MAN2A1: variants seen among roughly 807,000 people sequenced by gnomAD.
MAN2A1 encodes the protein alpha-mannosidase 2.
MAN2A1 carries 76 observed loss-of-function variants against 142.6 expected under a neutral mutation model. The observed-to-expected ratio is 0.53, with a 90% CI of 0.44 to 0.65. MAN2A1 has a LOEUF of 0.65. MAN2A1 is among the 30% of genes least tolerant of loss of function. The pLI is 0.00. For synonymous variants in MAN2A1, 559 were observed against 473.2 expected (o/e 1.18, Z -2.35); for missense variants, 1,311 against 1,365.1 (o/e 0.96, Z 0.62).
intron 12 of MAN2A1, among the ~76,000 whole-genome samples, chr5:109,789,738 A>G (rs190069495): frequency 7.2e-4 from 110 of 151,968 alleles, no homozygotes; most frequent in African/African-American, 2.5e-3. Flanking sequence ...ATAAATTATT[A>G]TAACAATATT....
intron 4 of MAN2A1, among the ~76,000 whole-genome samples, chr5:109,741,866 T>A (rs1254901909): frequency 6.6e-6 from 1 of 152,242 alleles, no homozygotes; most frequent in East Asian, 1.9e-4. Flanking sequence ...TCATAGTACC[T>A]ACTGGTAATA....
intron 3 of MAN2A1, among the ~76,000 whole-genome samples, chr5:109,723,148 T>C (rs2112574977): frequency 6.6e-6 from 1 of 152,312 alleles, no homozygotes; most frequent in South Asian, 2.1e-4. Context: ...ACGCCTGCTG[T>C]CCTAACAATA....
chr5:109,820,166 C>A, intron 14 of MAN2A1, 54 bp from the exon 15 acceptor site: 1 of 1,456,972 alleles, frequency 6.9e-7, no homozygotes, highest in Non-Finnish European at 9.4e-7. Context: ...CCAGATGCAA[C>A]ATGCTTAACA....
At chr5:109,843,162 A>G (rs1755256377) in intron 17 of MAN2A1, among the ~76,000 whole-genome samples, 1 of 152,156 alleles carries the variant, frequency 6.6e-6, no homozygotes, top group Admixed American at 6.5e-5. Context: ...AGACTGGGTA[A>G]TTTATAAAGG....
chr5:109,717,592 T>C (rs530936132), intron 3 of MAN2A1, among the ~76,000 whole-genome samples: 1 of 152,312 alleles, frequency 6.6e-6, no homozygotes, highest in Admixed American at 6.5e-5. Flanking sequence ...CTCATATATA[T>C]TTTAGATTGT....
chr5:109,703,570 A>G (rs1428022553), intron 1 of MAN2A1, among the ~76,000 whole-genome samples: 2 of 152,224 alleles, frequency 1.3e-5, no homozygotes, highest in Non-Finnish European at 2.9e-5. Flanking sequence ...TAAATTAAAA[A>G]TAAGTTTTAG....
At chr5:109,791,572 A>G (rs990579392) in intron 12 of MAN2A1, among the ~76,000 whole-genome samples, 3 of 151,754 alleles carry the variant, frequency 2.0e-5, no homozygotes, top group Non-Finnish European at 4.4e-5. Context: ...TTAGTTATAA[A>G]CACAGTTCCT....
chr5:109,760,732 A>G (rs1469889614), intron 5 of MAN2A1, among the ~76,000 whole-genome samples: 1 of 152,102 alleles, frequency 6.6e-6, no homozygotes, highest in Non-Finnish European at 1.5e-5. Context: ...ATGACCAGTG[A>G]TGATGAGCTT....
chr5:109,842,359 T>C lies in MAN2A1; in HGVS notation c.2598T>C (p.Asn866=). 6.3e-7 allele frequency: 1 copy of C among 1,585,600 alleles called. No individual in the cohort carries two copies. Residue 866 remains asparagine, a synonymous_variant, in exon 17 of 22, where the codon AAT becomes AAC. Transcript: ENST00000261483. The part of the protein sequence containing the change: ...GIEGQSVEVS[N]IVDIRKVYNR... ...AAGGACAGTCTGTGGAAGTTTCCAATATTGTGGACATCCGAAAAGTATATA... is the reference window on the plus strand; with the variant it reads ...AAGGACAGTCTGTGGAAGTTTCCAACATTGTGGACATCCGAAAAGTATATA...
intron 1 of MAN2A1, among the ~76,000 whole-genome samples, chr5:109,711,846 C>CT (rs1196008688): frequency 6.6e-6 from 1 of 152,120 alleles, no homozygotes; most frequent in Admixed American, 6.5e-5. Context: ...CTTGTGGTGA[C>CT]TTATCACCCC....
At chr5:109,818,289 C>T (rs947975593) in intron 13 of MAN2A1, among the ~76,000 whole-genome samples, 3 of 152,222 alleles carry the variant, frequency 2.0e-5, no homozygotes, top group Admixed American at 6.5e-5. Flanking sequence ...CAGGCATGTG[C>T]CACCACGCCT....
At chr5:109,773,395 A>AG (rs1753200079) in intron 7 of MAN2A1, among the ~76,000 whole-genome samples, 1 of 152,162 alleles carries the variant, frequency 6.6e-6, no homozygotes, top group South Asian at 2.1e-4. Flanking sequence ...CTGGCTGCCT[A>AG]GGAAATCTAG....
intron 6 of MAN2A1, 109 bp from the exon 7 acceptor site, chr5:109,770,246 A>T: frequency 1.0e-6 from 1 of 994,744 alleles, no homozygotes; most frequent in Non-Finnish European, 1.5e-6. Flanking sequence ...CTGCTGATTT[A>T]GCACAGAGCT....
intron 3 of MAN2A1, among the ~76,000 whole-genome samples, chr5:109,721,260 G>C (rs1174098360): frequency 6.6e-6 from 1 of 152,016 alleles, no homozygotes; most frequent in South Asian, 2.1e-4. Context: ...TCTTTTTATT[G>C]CCTCTTAAGA....
At chr5:109,860,023 A>G (rs1192691508) in intron 20 of MAN2A1, among the ~76,000 whole-genome samples, 5 of 152,034 alleles carry the variant, frequency 3.3e-5, no homozygotes, top group Non-Finnish European at 1.5e-5. Context: ...ATAGTTAACC[A>G]TCATTTCAAT....
chr5:109,716,373 C>A, intron 3 of MAN2A1, 109 bp downstream of exon 3: 1 of 826,422 alleles, frequency 1.2e-6, no homozygotes, highest in South Asian at 2.0e-5. Context: ...AGACATTATT[C>A]TCTGACTTTT....
chr5:109,736,332 T>A (rs1222257921), intron 4 of MAN2A1, among the ~76,000 whole-genome samples: 1 of 152,080 alleles, frequency 6.6e-6, no homozygotes, highest in African/African-American at 2.4e-5. Context: ...TGATATTTGT[T>A]TTATAAAGGC....
At chr5:109,710,623 G>A (rs1017258904) in intron 1 of MAN2A1, among the ~76,000 whole-genome samples, 3 of 151,944 alleles carry the variant, frequency 2.0e-5, no homozygotes, top group Non-Finnish European at 4.4e-5. Context: ...TTCTGCGTCA[G>A]CCTTCCGAGT....
In MAN2A1 at chr5:109,819,663, T is replaced by C; in HGVS notation, c.2110-6T>C. 1 of 1,530,962 alleles carries C rather than the reference T, an allele frequency of 6.5e-7. No individual in the cohort carries two copies. The highest frequency in any genetic ancestry group is 1.8e-4 in the Middle Eastern group (1 of 5,560). 94.8% of individuals were successfully genotyped at this position (1,530,962 alleles called of 1,614,324 possible). A position where few individuals can be genotyped will look rare whatever the true frequency, so the allele number is the denominator to read the frequency against. On this transcript the variant is annotated splice_region_variant and splice_polypyrimidine_tract_variant and intron_variant, in intron 13 of 21. Coordinates refer to ENST00000261483, the MANE Select transcript of MAN2A1 (RefSeq NM_002372.4). ...TTTAATAAATTCCCTTCCCTATCTT[T>C]TAAAGATCTCTTTTCGAGCACATAT... is the stretch of plus-strand genomic sequence containing the variant.
Sources: gnomAD v4.1 joint callset for allele counts (sites outside exome capture counted in the v4.1 genomes callset) on GRCh38, gnomAD v4.1.1 for gene constraint, MANE v1.5 for transcripts, NCBI Gene and HGNC (gene_info 2026-07-23, HGNC 2026-07-21) for gene names.